RAB3C: variants seen among roughly 807,000 people sequenced by gnomAD.
The protein encoded by RAB3C is RAB3C, member RAS oncogene family, also known as ras-related protein Rab-3C.
RAB3C carries 17 observed loss-of-function variants against 26.4 expected under a neutral mutation model. That is an observed-to-expected ratio of 0.64 (90% CI 0.44 to 0.97). RAB3C has a LOEUF of 0.97. Ranked by LOEUF, RAB3C falls within the 50% of genes least tolerant of loss-of-function variation. The pLI is 0.00. For missense variants in RAB3C, 242 were observed against 281.9 expected, an observed-to-expected ratio of 0.86 and a Z score of 1.01; for synonymous variants, 91 against 95.9, an observed-to-expected ratio of 0.95 and a Z score of 0.30.
intron 2 of RAB3C, among the ~76,000 whole-genome samples, chr5:58,631,678 A>G (rs1747186236): frequency 6.6e-6 from 1 of 152,222 alleles, no homozygotes; most frequent in Non-Finnish European, 1.5e-5. Context: ...CATTTTAATT[A>G]AACAATGGAT....
intron 1 of RAB3C, among the ~76,000 whole-genome samples, chr5:58,611,440 G>T (rs1252861347): frequency 6.6e-6 from 1 of 152,082 alleles, no homozygotes; most frequent in Non-Finnish European, 1.5e-5. Flanking sequence ...GTGTGAAATG[G>T]TATCTCATTG....
chr5:58,804,852 G>C (rs1267516065), intron 3 of RAB3C, among the ~76,000 whole-genome samples: 1 of 151,864 alleles, frequency 6.6e-6, no homozygotes, highest in African/African-American at 2.4e-5. Flanking sequence ...TCAATAGTTT[G>C]TGCTAGTAAA....
intron 2 of RAB3C, among the ~76,000 whole-genome samples, chr5:58,643,007 T>C (rs544977333): frequency 1.1e-4 from 17 of 152,314 alleles, no homozygotes; most frequent in African/African-American, 3.1e-4. Flanking sequence ...CAATCATGCA[T>C]CAACCTGGAA....
At chr5:58,686,277 A>G (rs1748442594) in intron 2 of RAB3C, among the ~76,000 whole-genome samples, 1 of 152,114 alleles carries the variant, frequency 6.6e-6, no homozygotes, top group Admixed American at 6.6e-5. Context: ...AAGGGATCAA[A>G]GACAAATACC....
chr5:58,784,613 T>C (rs1742337390), intron 3 of RAB3C: 1 of 57,334 alleles, frequency 1.7e-5, no homozygotes. Flanking sequence ...TAATAACCAA[T>C]AAATGATCTT....
chr5:58,652,963 A>G (rs911804103), intron 2 of RAB3C, among the ~76,000 whole-genome samples: 32 of 151,862 alleles, frequency 2.1e-4, no homozygotes, highest in East Asian at 3.9e-4. Flanking sequence ...CAATTTAGGG[A>G]AAAAAAAGCT....
intron 4 of RAB3C, among the ~76,000 whole-genome samples, chr5:58,827,848 T>A (rs1346625320): frequency 6.6e-6 from 1 of 152,242 alleles, no homozygotes; most frequent in Non-Finnish European, 1.5e-5. Flanking sequence ...GCTCTCACAA[T>A]TTAAATTTAA....
At chr5:58,737,049 AC>A (rs1015935184) in intron 3 of RAB3C, among the ~76,000 whole-genome samples, 14 of 151,848 alleles carry the variant, frequency 9.2e-5, no homozygotes, top group African/African-American at 3.1e-4. Flanking sequence ...AGCCTACCAG[AC>A]CCCGTACAAT....
intron 2 of RAB3C, among the ~76,000 whole-genome samples, chr5:58,666,865 A>G (rs1579846908): frequency 6.6e-6 from 1 of 152,350 alleles, no homozygotes; most frequent in East Asian, 1.9e-4. Context: ...GGGTGGAAAT[A>G]TGAAAACAGC....
At chr5:58,829,853 T>G (rs529579019) in intron 4 of RAB3C, among the ~76,000 whole-genome samples, 2 of 152,294 alleles carry the variant, frequency 1.3e-5, no homozygotes, top group South Asian at 4.1e-4. Flanking sequence ...TTTACCAAGC[T>G]CTATAATTTT....
intron 2 of RAB3C, among the ~76,000 whole-genome samples, chr5:58,658,482 C>T (rs1747828702): frequency 6.6e-6 from 1 of 152,148 alleles, no homozygotes; most frequent in African/African-American, 2.4e-5. Flanking sequence ...TTTAAACAAT[C>T]AATAGAATAT....
chr5:58,595,959 A>G (rs1162596879), intron 1 of RAB3C, among the ~76,000 whole-genome samples: 2 of 152,118 alleles, frequency 1.3e-5, no homozygotes, highest in Admixed American at 1.3e-4. Flanking sequence ...ATGTTTGATG[A>G]GTTTTTTCTA....
At chr5:58,669,939 G>T (rs1274784459) in intron 2 of RAB3C, among the ~76,000 whole-genome samples, 1 of 152,134 alleles carries the variant, frequency 6.6e-6, no homozygotes, top group South Asian at 2.1e-4. Flanking sequence ...GTTTAATCTT[G>T]TTTCGCTCTC....
chr5:58,803,904 C>G (rs916629423), intron 3 of RAB3C, among the ~76,000 whole-genome samples: 3 of 151,818 alleles, frequency 2.0e-5, no homozygotes, highest in Non-Finnish European at 4.4e-5. Context: ...ACTAAAAATA[C>G]AAAAAATTAG....
intron 2 of RAB3C, among the ~76,000 whole-genome samples, chr5:58,667,681 A>G (rs1748030305): frequency 1.3e-5 from 2 of 152,204 alleles, no homozygotes; most frequent in Non-Finnish European, 2.9e-5. Flanking sequence ...TATATTATAT[A>G]TCATTGAATT....
chr5:58,787,642 C>T (rs558224752), intron 3 of RAB3C, among the ~76,000 whole-genome samples: 36 of 152,290 alleles, frequency 2.4e-4, no homozygotes, highest in South Asian at 8.3e-4. Context: ...CTGCCAGCCT[C>T]ACTGGGCTGG....
At chr5:58,612,520 G>GTGTGTATA (rs1264300587) in intron 1 of RAB3C, among the ~76,000 whole-genome samples, 4 of 79,176 alleles carry the variant, frequency 5.1e-5, no homozygotes, top group African/African-American at 1.7e-4. Flanking sequence ...GTGTGTGTGT[G>GTGTGTATA]TATATATATA....
chr5:58,750,602 G>T (rs1359773225), intron 3 of RAB3C, among the ~76,000 whole-genome samples: 5 of 152,158 alleles, frequency 3.3e-5, no homozygotes, highest in Admixed American at 3.3e-4. Flanking sequence ...TAGAAGAAAA[G>T]AAATTAGGTC....
chr5:58,746,621 T>C (rs1741409114), intron 3 of RAB3C, among the ~76,000 whole-genome samples: 1 of 152,192 alleles, frequency 6.6e-6, no homozygotes, highest in South Asian at 2.1e-4. Flanking sequence ...ATCCATAAAG[T>C]GCATGTTTGA....
Sources: gnomAD v4.1 joint callset for allele counts (sites outside exome capture counted in the v4.1 genomes callset) on GRCh38, gnomAD v4.1.1 for gene constraint, MANE v1.5 for transcripts, NCBI Gene and HGNC (gene_info 2026-07-23, HGNC 2026-07-21) for gene names.